The following CDK10 variants were observed in gnomAD, a reference collection of about 807,000 sequenced individuals.
The protein encoded by CDK10 is cyclin-dependent kinase 10.
CDK10 carries 55 observed loss-of-function variants against 51.0 expected under a neutral mutation model. The observed-to-expected ratio is 1.08, with a 90% CI of 0.87 to 1.35. CDK10 has a LOEUF of 1.35. Ranked by LOEUF, CDK10 falls within the 40% of genes most tolerant of loss-of-function variation. CDK10 has a pLI of 0.00. For synonymous variants in CDK10, 255 were observed against 199.1 expected (o/e 1.28, Z -2.36); for missense variants, 589 against 485.1 (o/e 1.21, Z -2.01).
chr16:89,689,366 T>C (rs1201549301), intron 2 of CDK10, 42 bp downstream of exon 2: 1 of 1,563,322 alleles, frequency 6.4e-7, no homozygotes. Flanking sequence ...AGCTCGTGGC[T>C]GTGACAGTGT....
rs934374542 is a variant in CDK10, at chr16:89,696,332, T to G, written c.*640T>G. ...GCTGAGCGAAGCTATAGGCTCTTGT[T>G]GGATAAAAGCTTTTTTAACAGACAT... On this transcript the variant is annotated 3_prime_UTR_variant, in exon 13 of 13. Coordinates refer to ENST00000353379, the MANE Select transcript of CDK10 (RefSeq NM_052988.5). 5.1e-6 allele frequency: 1 copy of G among 194,658 alleles called. No individual in the cohort carries two copies. The highest frequency in any genetic ancestry group is 1.0e-5 in the Non-Finnish European group (1 of 95,468). 12.1% of individuals were successfully genotyped at this position (194,658 alleles called of 1,614,324 possible).
At chr16:89,687,751 A>G (rs1402303056) in intron 1 of CDK10, 1 of 367,736 alleles carries the variant, frequency 2.7e-6, no homozygotes. Flanking sequence ...CTTTGAGTTC[A>G]GGAAGTGTGA....
At chr16:89,689,353 CGCAGCTCGT>C (rs1197874012) in intron 2 of CDK10, 29 bp downstream of exon 2, 1 of 1,598,664 alleles carries the variant, frequency 6.3e-7, no homozygotes, top group East Asian at 2.2e-5. Context: ...GACATGTGGC[CGCAGCTCGT>C]GGCTGTGACA....
chr16:89,694,108 T>C, intron 8 of CDK10, 65 bp from the exon 9 acceptor site: 16 of 1,516,164 alleles, frequency 1.1e-5, no homozygotes, highest in Non-Finnish European at 1.5e-5. Context: ...GGAGGCTGTG[T>C]CCTGTGGAGG....
Position 89,693,311 on chromosome 16 carries a change from G to A in CDK10, c.523G>A (p.Gly175Ser), listed in dbSNP as rs750479912. Residue 175 changes from glycine (G) to serine (S), a missense_variant, in exon 7 of 13, where the codon GGT becomes AGT. Physicochemically the swap from Gly to Ser is moderately conservative, Grantham distance 56. Transcript: ENST00000353379. The part of the protein sequence containing the change: ...KVSNLLMTDK[G>S]CVKTADFGLA... ...TTCCAACTTGCTCATGACCGACAAG[G>A]GTTGTGTGAAGACAGGTGGGTGCAA... 13 of 1,614,042 alleles carry A rather than the reference G, an allele frequency of 8.1e-6. No homozygotes were observed. The South Asian group carries it at 8.8e-5, about 11-fold the overall frequency.
chr16:89,694,147 A>G, intron 8 of CDK10, 26 bp from the exon 9 acceptor site: 1 of 1,612,528 alleles, frequency 6.2e-7, no homozygotes, highest in South Asian at 1.1e-5. Context: ...AGCCGGCTGT[A>G]TTGAGGTGGG....
chr16:89,690,388 C>T (rs775034496), intron 2 of CDK10, 165 bp from the exon 3 acceptor site: 5 of 644,378 alleles, frequency 7.8e-6, no homozygotes, highest in Non-Finnish European at 5.6e-6. Context: ...GAACGCGTCT[C>T]GGGCTAGGGG....
intron 9 of CDK10, 117 bp from the exon 10 acceptor site, chr16:89,694,548 C>G (rs763424502): frequency 3.2e-5 from 49 of 1,510,408 alleles, no homozygotes; most frequent in Non-Finnish European, 4.2e-5. Context: ...GTCCCTGACC[C>G]AGCGTGCCTC....
At chr16:89,692,580 G>T in intron 6 of CDK10, 64 bp downstream of exon 6, 5 of 1,264,454 alleles carry the variant, frequency 4.0e-6, no homozygotes, top group Non-Finnish European at 4.4e-6. Flanking sequence ...TGCTGCCCCT[G>T]TGGAGTTACT....
At chr16:89,693,605 G>C (rs2060557220) in intron 8 of CDK10, 138 bp downstream of exon 8, 6 of 818,574 alleles carry the variant, frequency 7.3e-6, no homozygotes, top group Non-Finnish European at 1.2e-5. Context: ...GAAACGTTGG[G>C]TCTAGGACAG....
Position 89,693,415 on chromosome 16 carries a change from C to CG in CDK10, c.559dup (p.Ala187GlyfsTer22). On this transcript the variant is annotated frameshift_variant, in exon 8 of 13. Coordinates refer to ENST00000353379, the MANE Select transcript of CDK10 (RefSeq NM_052988.5). LOFTEE classifies it high-confidence loss of function. ...TGCTGCAGCGGATTTCGGCCTGGCC[C>CG]GGGCCTATGGTGTCCCAGTAAAGCC... 6.2e-7 allele frequency: 1 copy of CG among 1,614,180 alleles called. No individual in the cohort carries two copies. Among genetic ancestry groups the CG allele is most frequent in the Non-Finnish European group, 8.5e-7 (1 of 1,180,036 alleles).
At chr16:89,694,105 G>A in intron 8 of CDK10, 68 bp from the exon 9 acceptor site, 2 of 1,497,786 alleles carry the variant, frequency 1.3e-6, no homozygotes, top group Non-Finnish European at 9.3e-7. Flanking sequence ...CGGGGAGGCT[G>A]TGTCCTGTGG....
In CDK10 at chr16:89,694,652, CTG is replaced by C; in HGVS notation, c.669-11_669-10del. On this transcript the variant is annotated splice_polypyrimidine_tract_variant and intron_variant, in intron 9 of 12. Transcript: ENST00000353379. ...AGACGTCTGGCCGCAGTGAGGTCCA[CTG>C]TTCTCTGCAGGGCTGTGGGCTGCAT... The C allele has an allele frequency of 6.3e-7, 1 of 1,583,774 alleles. No homozygotes were observed. The highest frequency in any genetic ancestry group is 1.3e-5 in the African/African-American group (1 of 74,582).
chr16:89,687,116 T>C (rs1344276269), intron 1 of CDK10: 1 of 238,804 alleles, frequency 4.2e-6, no homozygotes, highest in African/African-American at 2.3e-5. Context: ...CGAGCTGGGC[T>C]TTGCAGGCTG....
chr16:89,695,300 G>A lies in CDK10; in HGVS notation c.940G>A (p.Ala314Thr). Residue 314 changes from alanine to threonine, a missense_variant, in exon 12 of 13, where the codon GCC becomes ACC. Transcript: ENST00000353379. The stretch of plus-strand genomic sequence containing the variant: ...GCAGGCTGCCTCCTCCAGGGCGACG[G>A]CCGGGGACTGCCTGGAGAGCTCCTA... ...FMYDPKKRATAGDCLESSYFK... is the reference protein window; with the variant it reads ...FMYDPKKRATTGDCLESSYFK... 1 of 1,611,232 alleles carries A rather than the reference G, an allele frequency of 6.2e-7. No individual in the cohort carries two copies.
At chr16:89,692,090 C>T (rs1440386719) in intron 5 of CDK10, 2 of 604,330 alleles carry the variant, frequency 3.3e-6, no homozygotes, top group Non-Finnish European at 5.8e-6. Flanking sequence ...GGGCCGAGAG[C>T]CTTATGAGGG....
intron 2 of CDK10, chr16:89,689,546 C>T (rs1408991495): frequency 1.8e-6 from 1 of 562,102 alleles, no homozygotes; most frequent in East Asian, 3.0e-5. Flanking sequence ...TGCCCATAAT[C>T]CAAACGTGTC....
In CDK10 at chr16:89,694,864, C is replaced by T. The variant is rs1054790652; in HGVS notation, c.793-67C>T. 18 of 1,552,544 alleles carry T rather than the reference C, an allele frequency of 1.2e-5. No homozygotes were observed. In the East Asian group the frequency reaches 1.4e-4, roughly 12 times the overall value. ...CGCCCGCAGCCCCCGCCCGTGCCCA[C>T]GCCCTCTGCGCCCGCAGCCCCCGCC... On this transcript the variant is annotated intron_variant, in intron 10 of 12. Coordinates refer to ENST00000353379, the MANE Select transcript of CDK10 (RefSeq NM_052988.5).
At chr16:89,690,344 C>T in intron 2 of CDK10, 3 of 592,998 alleles carry the variant, frequency 5.1e-6, no homozygotes, top group Non-Finnish European at 9.1e-6. Flanking sequence ...GTTGGGCACC[C>T]CCTGCCCAGT....
Sources: allele counts gnomAD v4.1 joint callset, GRCh38; gene constraint gnomAD v4.1.1; transcripts MANE v1.5; gene names NCBI Gene and HGNC (gene_info 2026-07-23, HGNC 2026-07-21).